The following REDIC1 variants were observed in gnomAD, a reference collection of about 807,000 sequenced individuals.
The protein encoded by REDIC1 is HEI10 Interacting Protein 1.
chr12:39,861,275 T>C, the REDIC1 span, among the ~76,000 whole-genome samples: 1 of 152,258 alleles, frequency 6.6e-6, no homozygotes, highest in Non-Finnish European at 1.5e-5. Context: ...GTGCTTATTA[T>C]GTGCCAAGCA....
the REDIC1 span, among the ~76,000 whole-genome samples, chr12:39,739,498 C>T: frequency 1.3e-5 from 2 of 151,928 alleles, no homozygotes; most frequent in African/African-American, 4.8e-5. Flanking sequence ...ATAGGAGCTC[C>T]CAAGTAAAGA....
the REDIC1 span, among the ~76,000 whole-genome samples, chr12:39,811,122 T>A: frequency 6.6e-6 from 1 of 152,100 alleles, no homozygotes; most frequent in Non-Finnish European, 1.5e-5. Flanking sequence ...CTTTTGGAAA[T>A]ATGTGTCACC....
the REDIC1 span, among the ~76,000 whole-genome samples, chr12:39,709,695 G>A: frequency 1.3e-5 from 2 of 151,574 alleles, no homozygotes; most frequent in East Asian, 3.9e-4. Flanking sequence ...TTGCTGAATA[G>A]TATTCAATTG....
At chr12:39,867,778 G>A in the REDIC1 span, among the ~76,000 whole-genome samples, 1 of 152,090 alleles carries the variant, frequency 6.6e-6, no homozygotes, top group Admixed American at 6.5e-5. Context: ...CTGGCTTCCT[G>A]TTGGAAGCAA....
chr12:39,660,051 G>A, the REDIC1 span, among the ~76,000 whole-genome samples: 2 of 152,112 alleles, frequency 1.3e-5, no homozygotes, highest in East Asian at 1.9e-4. Context: ...CTTGAATTAT[G>A]AAATTTTCCA....
the REDIC1 span, among the ~76,000 whole-genome samples, chr12:39,751,639 C>G: frequency 1.3e-5 from 2 of 152,144 alleles, no homozygotes; most frequent in Non-Finnish European, 2.9e-5. Context: ...ATAGCAAAGA[C>G]TTGAAACCAA....
At chr12:39,668,813 A>C in the REDIC1 span, among the ~76,000 whole-genome samples, 50 of 151,826 alleles carry the variant, frequency 3.3e-4, no homozygotes, top group African/African-American at 1.1e-3. Context: ...TTGATCTTCC[A>C]TCACCAACAC....
At chr12:39,727,738 T>C in the REDIC1 span, among the ~76,000 whole-genome samples, 1 of 151,398 alleles carries the variant, frequency 6.6e-6, no homozygotes, top group Admixed American at 6.6e-5. Flanking sequence ...ATAAATTACT[T>C]TGGGCAGTAT....
the REDIC1 span, among the ~76,000 whole-genome samples, chr12:39,773,288 GTCTCATTTTGGC>G: frequency 6.6e-6 from 1 of 152,154 alleles, no homozygotes; most frequent in Non-Finnish European, 1.5e-5. Flanking sequence ...GGTGAAATAT[GTCTCATTTTGGC>G]TGAGTGAGAG....
At chr12:39,694,629 A>T in the REDIC1 span, among the ~76,000 whole-genome samples, 1 of 152,224 alleles carries the variant, frequency 6.6e-6, no homozygotes, top group Non-Finnish European at 1.5e-5. Context: ...TATGGGCTAA[A>T]GTGCTCTGGT....
chr12:39,631,640 CT>C, the REDIC1 span, among the ~76,000 whole-genome samples: 5 of 152,034 alleles, frequency 3.3e-5, no homozygotes, highest in Non-Finnish European at 1.5e-5. Context: ...GGGCTAAATA[CT>C]TATATACAAA....
chr12:39,780,118 G>A, the REDIC1 span, among the ~76,000 whole-genome samples: 29 of 152,146 alleles, frequency 1.9e-4, no homozygotes, highest in African/African-American at 6.5e-4. Flanking sequence ...GAGACTTACC[G>A]TATACAAAAC....
chr12:39,877,784 G>C, the REDIC1 span, among the ~76,000 whole-genome samples: 1 of 152,136 alleles, frequency 6.6e-6, no homozygotes, highest in African/African-American at 2.4e-5. Flanking sequence ...GCAGTAGTTT[G>C]AATTTCTTCT....
chr12:39,837,717 A>G, the REDIC1 span, among the ~76,000 whole-genome samples: 3 of 152,352 alleles, frequency 2.0e-5, no homozygotes, highest in East Asian at 1.9e-4. Context: ...AGACATTTAT[A>G]CAACCAAAAA....
At chr12:39,686,109 G>T in the REDIC1 span, among the ~76,000 whole-genome samples, 35 of 152,318 alleles carry the variant, frequency 2.3e-4, no homozygotes, top group African/African-American at 7.5e-4. Context: ...CCAGGAGCTA[G>T]GTGCAAGCTG....
the REDIC1 span, among the ~76,000 whole-genome samples, chr12:39,746,472 C>T: frequency 6.6e-6 from 1 of 152,174 alleles, no homozygotes; most frequent in Non-Finnish European, 1.5e-5. Context: ...CTGAGGCCTG[C>T]CTGCCTCTGT....
At chr12:39,825,999 T>C in the REDIC1 span, among the ~76,000 whole-genome samples, 3 of 152,156 alleles carry the variant, frequency 2.0e-5, no homozygotes, top group Non-Finnish European at 4.4e-5. Context: ...GATAAATATC[T>C]TTCTGTTGTT....
the REDIC1 span, chr12:39,684,031 A>G: frequency 1.8e-6 from 1 of 569,696 alleles, no homozygotes; most frequent in Middle Eastern, 4.3e-4. Flanking sequence ...CAGAGACTCC[A>G]TGTTTTCTCT....
At chr12:39,743,107 C>A in the REDIC1 span, among the ~76,000 whole-genome samples, 1 of 152,108 alleles carries the variant, frequency 6.6e-6, no homozygotes, top group Non-Finnish European at 1.5e-5. Flanking sequence ...AGACAATTAA[C>A]CATTTTGAAA....
Sources: allele counts gnomAD v4.1 joint callset (sites outside exome capture counted in the v4.1 genomes callset), GRCh38; gene constraint gnomAD v4.1.1; transcripts MANE v1.5; gene names NCBI Gene and HGNC (gene_info 2026-07-23, HGNC 2026-07-21).